Variants in CCT7 observed in about 807,000 individuals in gnomAD.
The protein encoded by CCT7 is chaperonin containing TCP1 subunit 7.
CCT7 carries 16 observed loss-of-function variants against 56.6 expected under a neutral mutation model. The ratio of observed to expected loss-of-function variants is 0.28; its 90% CI spans 0.19 to 0.43. The LOEUF (loss-of-function observed/expected upper bound fraction) is 0.43. Among genes scored for constraint, CCT7 ranks in the 20% least tolerant of loss-of-function variants. The pLI, the probability that CCT7 is intolerant of heterozygous loss-of-function variation, is 1.00. For synonymous variants in CCT7, 262 were observed against 254.8 expected, an observed-to-expected ratio of 1.03 and a Z score of -0.27; for missense variants, 519 against 685.6, an observed-to-expected ratio of 0.76 and a Z score of 2.71.
chr2:73,239,470 C>T, intron 1 of CCT7, 173 bp from the exon 2 acceptor site: 2 of 612,318 alleles, frequency 3.3e-6, no homozygotes, highest in Admixed American at 3.0e-5. Context: ...GATAGTGTCT[C>T]TGGAGGTAGA....
At position 73,244,695 on chromosome 2, in the gene CCT7, G is replaced by A. The variant is rs1687261722; in HGVS notation, c.598G>A (p.Val200Ile). 1 of 1,612,980 alleles carries A rather than the reference G, an allele frequency of 6.2e-7. No homozygotes were observed. Among genetic ancestry groups the A allele is most frequent in the Admixed American group, 1.7e-5 (1 of 59,958 alleles). ...LQLKMIGIKK[V>I]QGGALEDSQL... ...GCTTAAAATGATTGGAATCAAGAAG[G>A]TACAGGGTGGAGCCCTCGAGGTAAG... Residue 200 changes from valine to isoleucine, a missense_variant, in exon 6 of 12, where the codon GTA becomes ATA. Physicochemically the swap from Val to Ile is conservative, Grantham distance 29. Coordinates refer to ENST00000258091, the MANE Select transcript of CCT7 (RefSeq NM_006429.4).
intron 3 of CCT7, among the ~76,000 whole-genome samples, chr2:73,240,782 C>T (rs1003590059): frequency 2.6e-5 from 4 of 152,096 alleles, no homozygotes; most frequent in African/African-American, 9.7e-5. Flanking sequence ...AAGTCTACTG[C>T]CTGAGATCTT....
At chr2:73,235,399 T>C (rs1399444236) in intron 1 of CCT7, among the ~76,000 whole-genome samples, 4 of 152,228 alleles carry the variant, frequency 2.6e-5, no homozygotes, top group Admixed American at 6.5e-5. Context: ...TATCTTCTGC[T>C]CTTTTCCTGC....
In CCT7 at chr2:73,250,400, C is replaced by T. The variant is rs1687527542; in HGVS notation, c.1165C>T (p.Leu389=). Residue 389 remains leucine, a synonymous_variant, in exon 10 of 12, where the codon CTG becomes TTG. Transcript: ENST00000258091. ...EQFMEETERS[L]HDAIMIVRRA... ...GTTTATGGAGGAGACAGAGCGGTCCCTGCATGATGCCATCATGATCGTCAG... is the reference window on the plus strand; with the variant it reads ...GTTTATGGAGGAGACAGAGCGGTCCTTGCATGATGCCATCATGATCGTCAG... 1 of 1,614,130 alleles carries T rather than the reference C, an allele frequency of 6.2e-7. No homozygotes were observed. The highest frequency in any genetic ancestry group is 2.2e-5 in the East Asian group (1 of 44,886).
intron 6 of CCT7, among the ~76,000 whole-genome samples, chr2:73,247,540 A>G (rs1188350081): frequency 6.6e-6 from 1 of 151,422 alleles, no homozygotes; most frequent in Non-Finnish European, 1.5e-5. Flanking sequence ...GATTTTCCTT[A>G]TGCTTAAGGG....
chr2:73,247,275 G>T (rs1687379710), intron 6 of CCT7, among the ~76,000 whole-genome samples: 2 of 152,200 alleles, frequency 1.3e-5, no homozygotes, highest in African/African-American at 4.8e-5. Context: ...TGTTGGGGGT[G>T]TGGGGGTGGA....
At chr2:73,252,480 G>C (rs1687635976) in intron 11 of CCT7, among the ~76,000 whole-genome samples, 160 bp from the exon 12 acceptor site, 1 of 151,906 alleles carries the variant, frequency 6.6e-6, no homozygotes, top group African/African-American at 2.4e-5. Context: ...GTGTTTCCAG[G>C]TTCCTGGCAT....
rs373239788 is a variant in CCT7, at chr2:73,244,030, G to C, written c.427G>C (p.Val143Leu). ...VNKIKEIAVT[V>L]KKADKVEQRK... ...CAAGATCAAAGAGATTGCTGTGACCGTGAAGAAGGCAGATAAAGTGTAAGT... is the reference window on the plus strand; with the variant it reads ...CAAGATCAAAGAGATTGCTGTGACCCTGAAGAAGGCAGATAAAGTGTAAGT... The change falls in exon 5 of 12, where the codon GTG (valine) becomes CTG (leucine). Residue 143 changes from valine (V) to leucine (L), a missense_variant. Around this residue, in one of 3 missense-constraint regions of CCT7, gnomAD observed 276 missense variants for 357.3 expected, o/e 0.77. Transcript: ENST00000258091. The C allele has an allele frequency of 8.1e-6, 13 of 1,612,740 alleles. No homozygotes were observed. The highest frequency in any genetic ancestry group is 1.7e-4 in the Middle Eastern group (1 of 6,054).
intron 3 of CCT7, among the ~76,000 whole-genome samples, chr2:73,242,570 G>A (rs868188963): frequency 1.3e-5 from 2 of 152,178 alleles, no homozygotes; most frequent in Non-Finnish European, 2.9e-5. Flanking sequence ...GTGAGCCACC[G>A]TGCCCAGCCA....
intron 10 of CCT7, among the ~76,000 whole-genome samples, chr2:73,250,751 A>G (rs1687542678): frequency 6.6e-6 from 1 of 152,038 alleles, no homozygotes; most frequent in African/African-American, 2.4e-5. Flanking sequence ...AGCCTGGGCA[A>G]CATAGCGAGA....
chr2:73,251,245 G>C lies in CCT7; in HGVS notation c.1223G>C (p.Gly408Ala). Residue 408 changes from glycine (G) to alanine (A), a missense_variant, in exon 11 of 12, where the codon GGT (glycine) becomes GCT (alanine). Around this residue, in one of 3 missense-constraint regions of CCT7, gnomAD observed 237 missense variants for 300.8 expected, o/e 0.79. Coordinates refer to ENST00000258091, the MANE Select transcript of CCT7 (RefSeq NM_006429.4). ...RAIKNDSVVA[G>A]GGAIEMELSK... is the part of the protein sequence containing the mutation. Reference sequence around the variant, plus strand: ...CTGCAGAATGATTCAGTGGTGGCTGGTGGCGGGGCCATTGAGATGGAACTC... The same window carrying C: ...CTGCAGAATGATTCAGTGGTGGCTGCTGGCGGGGCCATTGAGATGGAACTC... 1 of 1,614,198 alleles carries C rather than the reference G, an allele frequency of 6.2e-7. No homozygotes were observed. The highest frequency in any genetic ancestry group is 8.5e-7 in the Non-Finnish European group (1 of 1,180,042).
chr2:73,239,482 G>A, intron 1 of CCT7, 161 bp from the exon 2 acceptor site: 1 of 633,426 alleles, frequency 1.6e-6, no homozygotes, highest in South Asian at 2.0e-5. Context: ...GGAGGTAGAG[G>A]CTGGTTGGGG....
intron 2 of CCT7, 191 bp downstream of exon 2, chr2:73,239,987 T>A: frequency 1.8e-6 from 1 of 541,308 alleles, no homozygotes; most frequent in Non-Finnish European, 3.2e-6. Flanking sequence ...TGAGAGAACC[T>A]AGGCTCAGGA....
At chr2:73,250,481 C>T (rs774709085) in intron 10 of CCT7, 43 bp downstream of exon 10, 8 of 1,607,916 alleles carry the variant, frequency 5.0e-6, no homozygotes, top group African/African-American at 2.7e-5. Flanking sequence ...CTACTCTCTC[C>T]TATCTCCCTA....
At chr2:73,242,280 C>A (rs1687150630) in intron 3 of CCT7, among the ~76,000 whole-genome samples, 1 of 152,006 alleles carries the variant, frequency 6.6e-6, no homozygotes, top group Non-Finnish European at 1.5e-5. Flanking sequence ...GGAACTCCTG[C>A]AGTACCTTTT....
intron 6 of CCT7, among the ~76,000 whole-genome samples, chr2:73,245,822 G>A (rs1173923541): frequency 2.0e-5 from 3 of 152,172 alleles, no homozygotes; most frequent in Admixed American, 6.5e-5. Flanking sequence ...TTCTCTGTAT[G>A]TAATAAAGCT....
At position 73,251,287 on chromosome 2, in the gene CCT7, A is replaced by G; in HGVS notation, c.1265A>G (p.Asp422Gly). ...IEMELSKYLR[D>G]YSRTIPGKQQ... Reference sequence around the variant, plus strand: ...ATGGAACTCTCCAAGTACCTGCGGGATTACTCAAGGACTATTCCAGGAAAA... The same window carrying G: ...ATGGAACTCTCCAAGTACCTGCGGGGTTACTCAAGGACTATTCCAGGAAAA... The change falls in exon 11 of 12, where the codon GAT becomes GGT. Residue 422 changes from aspartate to glycine, a missense_variant. Around this residue, in one of 3 missense-constraint regions of CCT7, gnomAD observed 237 missense variants for 300.8 expected, o/e 0.79. Coordinates refer to ENST00000258091, the MANE Select transcript of CCT7 (RefSeq NM_006429.4). 6.2e-7 allele frequency: 1 copy of G among 1,614,214 alleles called. No homozygotes were observed. The highest frequency in any genetic ancestry group is 8.5e-7 in the Non-Finnish European group (1 of 1,180,028).
At chr2:73,238,746 C>G (rs1686980442) in intron 1 of CCT7, among the ~76,000 whole-genome samples, 1 of 152,278 alleles carries the variant, frequency 6.6e-6, no homozygotes, top group Middle Eastern at 3.4e-3. Flanking sequence ...TCTGAAGGCT[C>G]AGATTTGAAT....
At chr2:73,234,407 G>A (rs1238464531) in intron 1 of CCT7, 23 bp downstream of exon 1, 2 of 1,612,510 alleles carry the variant, frequency 1.2e-6, no homozygotes, top group African/African-American at 2.7e-5. Context: ...TCGCGCATCC[G>A]TCGCCATCAG....
Sources: gnomAD v4.1 joint callset for allele counts (sites outside exome capture counted in the v4.1 genomes callset) on GRCh38, gnomAD v4.1.1 for gene constraint, gnomAD v4.1.1 regional missense constraint, MANE v1.5 for transcripts, NCBI Gene and HGNC (gene_info 2026-07-23, HGNC 2026-07-21) for gene names.